RRAS2: variants seen among roughly 807,000 people sequenced by gnomAD.
The protein encoded by RRAS2 is RAS related 2.
RRAS2 carries 7 observed loss-of-function variants against 27.6 expected under a neutral mutation model. The ratio of observed to expected loss-of-function variants is 0.25; its 90% CI spans 0.14 to 0.48. The LOEUF (loss-of-function observed/expected upper bound fraction) is 0.48. RRAS2 is among the 20% of genes least tolerant of loss of function. The pLI, the probability that RRAS2 is intolerant of heterozygous loss-of-function variation, is 0.99. For missense variants in RRAS2, 178 were observed against 256.2 expected (o/e 0.69, Z 2.08); for synonymous variants, 86 against 90.9 (o/e 0.95, Z 0.31).
intron 1 of RRAS2, among the ~76,000 whole-genome samples, chr11:14,326,596 T>TATC (rs1554951030): frequency 1.3e-5 from 2 of 152,192 alleles, no homozygotes; most frequent in Non-Finnish European, 2.9e-5. Flanking sequence ...TTCTATATCT[T>TATC]TATACCAGCT....
chr11:14,325,232 G>C (rs73428115), intron 1 of RRAS2, among the ~76,000 whole-genome samples: 3 of 151,876 alleles, frequency 2.0e-5, no homozygotes, highest in East Asian at 3.9e-4. Flanking sequence ...AATTCACCTT[G>C]TCTTACCACA....
At chr11:14,331,210 G>C (rs1316344762) in intron 1 of RRAS2, among the ~76,000 whole-genome samples, 4 of 152,118 alleles carry the variant, frequency 2.6e-5, no homozygotes, top group African/African-American at 9.7e-5. Context: ...CTAGAAACTG[G>C]AAACAAGAAA....
chr11:14,304,285 C>A (rs1847785551), intron 1 of RRAS2, among the ~76,000 whole-genome samples: 1 of 152,192 alleles, frequency 6.6e-6, no homozygotes, highest in South Asian at 2.1e-4. Flanking sequence ...CTCCTCTCCT[C>A]CACTACGTGT....
chr11:14,351,414 G>A (rs950222875), intron 1 of RRAS2, among the ~76,000 whole-genome samples: 14 of 152,162 alleles, frequency 9.2e-5, no homozygotes, highest in African/African-American at 3.4e-4. Flanking sequence ...TCTGAGTTAG[G>A]TTAGTATATT....
chr11:14,297,773 T>A (rs529833964), intron 1 of RRAS2, among the ~76,000 whole-genome samples: 185 of 152,124 alleles, frequency 1.2e-3, no homozygotes, highest in Non-Finnish European at 1.6e-3. Flanking sequence ...CTTAAAAAAA[T>A]TTTTTTTAAA....
chr11:14,353,161 T>C (rs1849001006), intron 1 of RRAS2, among the ~76,000 whole-genome samples: 1 of 152,160 alleles, frequency 6.6e-6, no homozygotes, highest in Non-Finnish European at 1.5e-5. Flanking sequence ...TTTAAAGTTA[T>C]CAATTTATTT....
chr11:14,347,938 A>G (rs2134031948), intron 1 of RRAS2, among the ~76,000 whole-genome samples: 1 of 152,326 alleles, frequency 6.6e-6, no homozygotes, highest in South Asian at 2.1e-4. Flanking sequence ...TTGTACAGCA[A>G]AAGACACACT....
chr11:14,358,810 C>A lies in RRAS2; in HGVS notation c.61G>T (p.Gly21Cys). The A allele has an allele frequency of 6.7e-7, 1 of 1,489,574 alleles. No homozygotes were observed. Among genetic ancestry groups the A allele is most frequent in the Non-Finnish European group, 9.0e-7 (1 of 1,113,528 alleles). 92.3% of individuals were successfully genotyped at this position (1,489,574 alleles called of 1,614,324 possible). ...GCCGACTTGCCCACGCCGCCCCCGC[C>A]GACCACCACGAGCCGGTACTTCTCC... ...GQEKYRLVVVGGGGVGKSALT... is the reference protein window; with the variant it reads ...GQEKYRLVVVCGGGVGKSALT... The change falls in exon 1 of 6, where the codon GGC (glycine) becomes TGC (cysteine). Residue 21 changes from glycine (G) to cysteine (C), a missense_variant. Transcript: ENST00000256196. This position sits in a 1 kb window ranked among gnomAD's most constrained non-coding sequence, Gnocchi z 5.1.
intron 1 of RRAS2, among the ~76,000 whole-genome samples, chr11:14,301,153 G>A (rs1395682626): frequency 6.6e-6 from 1 of 152,150 alleles, no homozygotes; most frequent in African/African-American, 2.4e-5. Flanking sequence ...GGAGAGAACG[G>A]AAACAATAAA....
intron 1 of RRAS2, among the ~76,000 whole-genome samples, chr11:14,297,969 G>T (rs1255784025): frequency 1.4e-5 from 2 of 141,290 alleles, no homozygotes; most frequent in Non-Finnish European, 3.0e-5. Flanking sequence ...AAATAAACAG[G>T]TATCAATTCA....
chr11:14,343,447 A>G (rs1848759652), intron 1 of RRAS2, among the ~76,000 whole-genome samples: 1 of 152,234 alleles, frequency 6.6e-6, no homozygotes, highest in Non-Finnish European at 1.5e-5. Context: ...TAACTTTCAA[A>G]TGAATCAAAG....
chr11:14,332,712 G>GA (rs2134012501), intron 1 of RRAS2, among the ~76,000 whole-genome samples: 1 of 152,212 alleles, frequency 6.6e-6, no homozygotes, highest in South Asian at 2.1e-4. Flanking sequence ...TGGAGAGATA[G>GA]AAATGTCCTA....
At chr11:14,300,373 C>T (rs781931933) in intron 1 of RRAS2, among the ~76,000 whole-genome samples, 29 of 152,108 alleles carry the variant, frequency 1.9e-4, no homozygotes, top group African/African-American at 2.2e-4. Context: ...GAGATAAAAT[C>T]GGGTCTGGCA....
intron 1 of RRAS2, among the ~76,000 whole-genome samples, chr11:14,328,756 C>G (rs1192821639): frequency 1.3e-5 from 2 of 151,812 alleles, no homozygotes; most frequent in African/African-American, 2.4e-5. Flanking sequence ...CCTCCACCTT[C>G]TGGGTTCAAG....
chr11:14,362,346 A>AT (rs34401417), upstream of RRAS2, among the ~76,000 whole-genome samples: 3 of 151,954 alleles, frequency 2.0e-5, no homozygotes, highest in African/African-American at 7.3e-5. Context: ...CTATTCCTTT[A>AT]TTTTTTTTAT....
chr11:14,279,850 G>A (rs1026089635), intron 5 of RRAS2, among the ~76,000 whole-genome samples: 2 of 152,150 alleles, frequency 1.3e-5, no homozygotes, highest in Non-Finnish European at 2.9e-5. Context: ...CTGAGCCCCA[G>A]TTTTTTTAGA....
At chr11:14,297,797 GTTTAAC>G (rs757710453) in intron 1 of RRAS2, among the ~76,000 whole-genome samples, 1 of 152,034 alleles carries the variant, frequency 6.6e-6, no homozygotes, top group Non-Finnish European at 1.5e-5. Flanking sequence ...AAATTAAAAT[GTTTAAC>G]TTTAATCACA....
intron 1 of RRAS2, chr11:14,364,304 T>C: frequency 7.7e-7 from 1 of 1,298,110 alleles, no homozygotes; most frequent in Non-Finnish European, 1.1e-6. Flanking sequence ...AAGATTCCTC[T>C]AACCTCATCT....
chr11:14,281,816 A>G (rs536363846), intron 4 of RRAS2, 96 bp from the exon 5 acceptor site: 2 of 1,070,806 alleles, frequency 1.9e-6, no homozygotes, highest in African/African-American at 3.3e-5. Flanking sequence ...TTCAGCCAAG[A>G]GGCCAAGTTG....
Sources: allele counts gnomAD v4.1 joint callset (sites outside exome capture counted in the v4.1 genomes callset), GRCh38; gene constraint gnomAD v4.1.1; non-coding constraint Gnocchi (gnomAD v3.1); transcripts MANE v1.5; gene names NCBI Gene and HGNC (gene_info 2026-07-23, HGNC 2026-07-21).